Variants in MAPRE1 observed in about 807,000 individuals in gnomAD.
The protein encoded by MAPRE1 is microtubule associated protein RP/EB family member 1.
In MAPRE1, 5 loss-of-function variants were observed where a neutral mutation model predicts 32.1. That is an observed-to-expected ratio of 0.16 (90% CI 0.08 to 0.33). The LOEUF is 0.33. MAPRE1 is among the 10% of genes least tolerant of loss of function. The pLI is 1.00. For synonymous variants in MAPRE1, 122 were observed against 118.9 expected, an observed-to-expected ratio of 1.03 and a Z score of -0.17; for missense variants, 209 against 327.2, an observed-to-expected ratio of 0.64 and a Z score of 2.79.
At chr20:32,848,155 G>C (rs1012731110) in intron 6 of MAPRE1, among the ~76,000 whole-genome samples, 2 of 151,574 alleles carry the variant, frequency 1.3e-5, no homozygotes, top group Admixed American at 1.3e-4. Context: ...AAGCAGTCCT[G>C]CCTCGACCCC....
intron 2 of MAPRE1, among the ~76,000 whole-genome samples, chr20:32,833,346 T>C (rs1983095357): frequency 6.6e-6 from 1 of 152,244 alleles, no homozygotes; most frequent in Non-Finnish European, 1.5e-5. Context: ...GGGTATATCT[T>C]TGTGAAAAAT....
chr20:32,845,015 GT>G (rs1983467863), intron 5 of MAPRE1, among the ~76,000 whole-genome samples: 2 of 151,634 alleles, frequency 1.3e-5, no homozygotes, highest in Non-Finnish European at 2.9e-5. Context: ...ATGTATGTAT[GT>G]ATGTATGTAT....
chr20:32,824,272 T>G (rs1361141784), intron 1 of MAPRE1, among the ~76,000 whole-genome samples: 4 of 152,232 alleles, frequency 2.6e-5, no homozygotes, highest in African/African-American at 9.6e-5. Context: ...GAGTGACGGT[T>G]GACTACACTG....
At position 32,839,751 on chromosome 20, in the gene MAPRE1, C is replaced by T; in HGVS notation, c.492C>T (p.Ile164=). Reference sequence around the variant, plus strand: ...CTTTTTCAGCTCCCCAGAGGCCCATCTCAACACAGAGAACCGCTGCGGCTC... The same window carrying T: ...CTTTTTCAGCTCCCCAGAGGCCCATTTCAACACAGAGAACCGCTGCGGCTC... ...TSSSAAPQRP[I]STQRTAAAPK... Residue 164 remains isoleucine (I), a synonymous_variant, in exon 5 of 7, where the codon ATC becomes ATT. Transcript: ENST00000375571. The T allele has an allele frequency of 6.2e-7, 1 of 1,614,154 alleles. No homozygotes were observed. Among genetic ancestry groups the T allele is most frequent in the African/African-American group, 1.3e-5 (1 of 75,042 alleles).
chr20:32,823,273 G>GGAAAGAC (rs1460040129), intron 1 of MAPRE1, among the ~76,000 whole-genome samples: 2 of 152,210 alleles, frequency 1.3e-5, no homozygotes, highest in Admixed American at 1.3e-4. Context: ...AGACTGATGT[G>GGAAAGAC]GAAAGACCAA....
chr20:32,824,765 G>T (rs1982795663), intron 1 of MAPRE1, among the ~76,000 whole-genome samples: 1 of 150,540 alleles, frequency 6.6e-6, no homozygotes, highest in South Asian at 2.1e-4. Flanking sequence ...CTCCCAAAGT[G>T]CTGGTATTAC....
chr20:32,827,169 G>A (rs1334108050), intron 2 of MAPRE1, among the ~76,000 whole-genome samples: 4 of 152,148 alleles, frequency 2.6e-5, no homozygotes, highest in Admixed American at 2.6e-4. Context: ...ACTTTGGGAG[G>A]CTGAGGCAGG....
chr20:32,843,684 C>T (rs985101569), intron 5 of MAPRE1, among the ~76,000 whole-genome samples: 6 of 152,136 alleles, frequency 3.9e-5, no homozygotes, highest in African/African-American at 1.4e-4. Context: ...ACTTGTAGCT[C>T]ATCTCAGTGG....
intron 5 of MAPRE1, among the ~76,000 whole-genome samples, chr20:32,840,841 A>G (rs1983337245): frequency 1.3e-5 from 2 of 152,096 alleles, no homozygotes; most frequent in Admixed American, 1.3e-4. Context: ...TTTGAGACGG[A>G]GTCTTGCTGT....
At chr20:32,841,799 AC>A (rs1188353208) in intron 5 of MAPRE1, among the ~76,000 whole-genome samples, 1 of 152,180 alleles carries the variant, frequency 6.6e-6, no homozygotes, top group African/African-American at 2.4e-5. Context: ...CTCTGAACTT[AC>A]TGCCTCACGT....
chr20:32,837,668 A>G (rs953564138), intron 4 of MAPRE1, among the ~76,000 whole-genome samples: 3 of 152,198 alleles, frequency 2.0e-5, no homozygotes, highest in African/African-American at 7.2e-5. Context: ...TGGAGAGACA[A>G]TTCGCATGCC....
intron 5 of MAPRE1, among the ~76,000 whole-genome samples, chr20:32,845,334 G>C (rs536685472): frequency 9.2e-5 from 14 of 152,318 alleles, no homozygotes; most frequent in Admixed American, 2.6e-4. Flanking sequence ...AGCCACGGCA[G>C]CTGGCCCCTC....
At chr20:32,834,013 G>C (rs1171352566) in intron 3 of MAPRE1, 151 bp downstream of exon 3, 1 of 690,248 alleles carries the variant, frequency 1.4e-6, no homozygotes, top group Non-Finnish European at 2.3e-6. Context: ...ACTGGGAGCA[G>C]TTTGCCCCTA....
intron 1 of MAPRE1, among the ~76,000 whole-genome samples, chr20:32,823,748 G>A (rs1460568201): frequency 6.6e-6 from 1 of 152,162 alleles, no homozygotes; most frequent in Admixed American, 6.5e-5. Flanking sequence ...AATTAGCTGG[G>A]CTTGGTGGTG....
rs530654862 is a variant in MAPRE1 at position 32,847,554 on chromosome 20, A to G, written c.750+784A>G. On this transcript the variant is annotated intron_variant, in intron 6 of 6. Coordinates refer to ENST00000375571, the MANE Select transcript of MAPRE1 (RefSeq NM_012325.3). ...CTTGTGAATTTCAGGGGATTAAGAC[A>G]GATGACTGAAAAGTTGATAATCTGT... 3.3e-5 allele frequency among the ~76,000 whole-genome samples: 5 copies of G among 152,374 alleles called. No individual in the cohort carries two copies. The East Asian group carries it at 7.7e-4, about 23-fold the overall frequency.
chr20:32,828,714 A>G (rs1184464296), intron 2 of MAPRE1, among the ~76,000 whole-genome samples: 1 of 152,158 alleles, frequency 6.6e-6, no homozygotes, highest in East Asian at 1.9e-4. Context: ...TCCTCCTTTT[A>G]CAGATGAGGA....
intron 1 of MAPRE1, among the ~76,000 whole-genome samples, chr20:32,823,339 C>A (rs533225430): frequency 1.3e-5 from 2 of 152,242 alleles, no homozygotes. Context: ...GGGCTGGGAT[C>A]TCAGGATTGT....
intron 3 of MAPRE1, among the ~76,000 whole-genome samples, chr20:32,834,953 T>C (rs1226630341): frequency 6.6e-6 from 1 of 152,256 alleles, no homozygotes; most frequent in Non-Finnish European, 1.5e-5. Context: ...TATTTGTGAA[T>C]GTTTCAGTAT....
At chr20:32,843,923 A>G (rs1983433111) in intron 5 of MAPRE1, among the ~76,000 whole-genome samples, 1 of 150,592 alleles carries the variant, frequency 6.6e-6, no homozygotes, top group African/African-American at 2.4e-5. Context: ...GCGTGAGCTC[A>G]GCTCACTGCA....
Sources: gnomAD v4.1 joint callset for allele counts (sites outside exome capture counted in the v4.1 genomes callset) on GRCh38, gnomAD v4.1.1 for gene constraint, MANE v1.5 for transcripts, NCBI Gene and HGNC (gene_info 2026-07-23, HGNC 2026-07-21) for gene names.